Variants in TEX30 observed in about 807,000 individuals in gnomAD.
TEX30 encodes testis expressed 30, also known as testis-expressed protein 30.
In TEX30, 14 loss-of-function variants were observed where a neutral mutation model predicts 23.8. That is an observed-to-expected ratio of 0.59 (90% CI 0.39 to 0.92). The LOEUF (loss-of-function observed/expected upper bound fraction) is 0.92. Ranked by LOEUF, TEX30 falls within the 40% of genes least tolerant of loss-of-function variation. The pLI is 0.00. For missense variants in TEX30, 246 were observed against 270.6 expected (o/e 0.91, Z 0.64); for synonymous variants, 78 against 90.2 (o/e 0.87, Z 0.76).
rs935109093 is a variant in TEX30 at position 102,765,937 on chromosome 13, A to G, written c.*464T>C. The G allele has an allele frequency of 6.6e-6, 1 of 152,278 alleles. No homozygotes were observed. The highest frequency in any genetic ancestry group is 1.5e-5 in the Non-Finnish European group (1 of 68,096). The allele number at this position is 152,278 out of a possible 1,614,324, so 9.4% of individuals were successfully genotyped here. The stretch of plus-strand genomic sequence containing the variant: ...TCTAAAAAATCTTCAGGGTCCCCAT[A>G]TTTGAAACATATGTCCACTCCTATC... On this transcript the variant is annotated 3_prime_UTR_variant, in exon 6 of 6. Transcript: ENST00000376032.
At chr13:102,766,722 G>T in intron 5 of TEX30, 142 bp from the exon 6 acceptor site, 1 of 698,074 alleles carries the variant, frequency 1.4e-6, no homozygotes. Context: ...AATAGAATGT[G>T]TGAGGAAATG....
Position 102,767,476 on chromosome 13 carries a change from G to A in TEX30, c.301C>T (p.Arg101Cys), listed in dbSNP as rs750616260. ...YKLAGVFLGG[R>C]SMGSRAAASV... ...GCAGCTGCTCTTGAGCCCATTGAAC[G>A]ACCTAAAATCAATTAAAATTAAGTT... The change falls in exon 5 of 6, where the codon CGT becomes TGT. Residue 101 changes from arginine (R) to cysteine (C), a missense_variant and splice_region_variant. Physicochemically the swap from Arg to Cys is radical, Grantham distance 180 (BLOSUM62 -3). Coordinates refer to ENST00000376032, the MANE Select transcript of TEX30 (RefSeq NM_138779.5). 1.9e-6 allele frequency: 3 copies of A among 1,613,606 alleles called. No homozygotes were observed. The highest frequency in any genetic ancestry group is 1.3e-5 in the African/African-American group (1 of 74,982).
chr13:102,772,885 C>T (rs1354397154), intron 1 of TEX30, among the ~76,000 whole-genome samples: 2 of 152,240 alleles, frequency 1.3e-5, no homozygotes, highest in African/African-American at 4.8e-5. Flanking sequence ...GGGTTTTCAT[C>T]TCTGGCTTCA....
At chr13:102,769,604 G>A in intron 2 of TEX30, 63 bp from the exon 3 acceptor site, 1 of 967,980 alleles carries the variant, frequency 1.0e-6, no homozygotes, top group Non-Finnish European at 1.6e-6. Context: ...CAACTGAACA[G>A]CTATATATAT....
At position 102,769,457 on chromosome 13, in the gene TEX30, G is replaced by A. The variant is rs779407814; in HGVS notation, c.100C>T (p.Leu34Phe). The A allele has an allele frequency of 5.0e-6, 8 of 1,611,696 alleles. No individual in the cohort carries two copies. The highest frequency in any genetic ancestry group is 4.0e-5 in the African/African-American group (3 of 74,814). Reference protein sequence around the residue: ...PNKSLTYGIILTHGASGDMNL... With the variant: ...PNKSLTYGIIFTHGASGDMNL... ...ATATCTCCTGATGCTCCATGTGTAA[G>A]AATTATTCCATATGTTAAGCTCTTG... The change falls in exon 3 of 6, where the codon CTT becomes TTT. Residue 34 changes from leucine to phenylalanine, a missense_variant. Transcript: ENST00000376032.
At chr13:102,773,104 G>A (rs1877443634) in intron 1 of TEX30, among the ~76,000 whole-genome samples, 1 of 152,252 alleles carries the variant, frequency 6.6e-6, no homozygotes, top group Admixed American at 6.5e-5. Context: ...CCACGGGACG[G>A]AGACGCCACA....
chr13:102,768,293 C>A lies in TEX30; in HGVS notation c.265G>T (p.Gly89Ter). The A allele has an allele frequency of 6.2e-7, 1 of 1,602,856 alleles. No homozygotes were observed. Among genetic ancestry groups the A allele is most frequent in the South Asian group, 1.1e-5 (1 of 88,720 alleles). The change falls in exon 4 of 6, where the codon GGA (glycine) becomes TGA (stop). Residue 89 changes from glycine to a stop codon, truncating the protein, a stop_gained. Coordinates refer to ENST00000376032, the MANE Select transcript of TEX30 (RefSeq NM_138779.5). LOFTEE classifies it high-confidence loss of function. Reference sequence around the variant, plus strand: ...AAAACACCTGCAAGTTTGTATTCTCCTGATGTCTTCAGGTAATTCTAGAAA... The same window carrying A: ...AAAACACCTGCAAGTTTGTATTCTCATGATGTCTTCAGGTAATTCTAGAAA... ...KSVLNYLKTS[G>*]EYKLAGVFLG...
At chr13:102,771,347 A>G (rs1418446191) in intron 1 of TEX30, among the ~76,000 whole-genome samples, 1 of 152,348 alleles carries the variant, frequency 6.6e-6, no homozygotes. Context: ...TAATTTACAG[A>G]ATATGTTTTT....
intron 1 of TEX30, among the ~76,000 whole-genome samples, chr13:102,772,795 G>A (rs1416863466): frequency 6.6e-6 from 1 of 152,226 alleles, no homozygotes; most frequent in Non-Finnish European, 1.5e-5. Flanking sequence ...TTGAACTCCT[G>A]ACCTCAGGTG....
chr13:102,768,176 T>C, intron 4 of TEX30, 84 bp downstream of exon 4: 1 of 1,189,116 alleles, frequency 8.4e-7, no homozygotes, highest in Non-Finnish European at 1.2e-6. Context: ...ATTAGCTTCC[T>C]ATGATCAACT....
chr13:102,766,485 C>T lies in TEX30; in HGVS notation c.600G>A (p.Ser200=), dbSNP rs759421793. The change falls in exon 6 of 6, where the codon TCG becomes TCA. Residue 200 remains serine, a synonymous_variant. Coordinates refer to ENST00000376032, the MANE Select transcript of TEX30 (RefSeq NM_138779.5). The part of the protein sequence containing the change: ...ANHSMAVKGR[S]TNDVFKEINT... The stretch of plus-strand genomic sequence containing the variant: ...TTATTTCTTTGAAAACATCATTTGT[C>T]GACCGTCCTTTCACTGCCATGGAAT... 1.6e-5 allele frequency: 26 copies of T among 1,613,838 alleles called. No homozygotes were observed. Among genetic ancestry groups the T allele is most frequent in the Non-Finnish European group, 1.9e-5 (22 of 1,179,944 alleles).
At chr13:102,768,517 A>G (rs114385823) in intron 3 of TEX30, among the ~76,000 whole-genome samples, 132 of 152,344 alleles carry the variant, frequency 8.7e-4, no homozygotes, top group African/African-American at 3.1e-3. Flanking sequence ...TAGGTAATAC[A>G]GGCAAATATG....
At chr13:102,768,208 A>T (rs373848992) in intron 4 of TEX30, 52 bp downstream of exon 4, 23 of 1,379,556 alleles carry the variant, frequency 1.7e-5, no homozygotes, top group South Asian at 2.5e-5. Context: ...TCCATTACCT[A>T]TTCCTATATT....
At chr13:102,767,523 A>C in intron 4 of TEX30, 45 bp from the exon 5 acceptor site, 1 of 1,588,428 alleles carries the variant, frequency 6.3e-7, no homozygotes, top group Non-Finnish European at 8.6e-7. Flanking sequence ...ATAAACTTTC[A>C]CATAAAGTAG....
rs1372863315 is a variant in TEX30, at chr13:102,766,219, T to C, written c.*182A>G. 2.1e-6 allele frequency: 1 copy of C among 479,860 alleles called. No individual in the cohort carries two copies. The highest frequency in any genetic ancestry group is 3.9e-5 in the Admixed American group (1 of 25,768). The allele number at this position is 479,860 out of a possible 1,614,324, so 29.7% of individuals were successfully genotyped here. A position where few individuals can be genotyped will look rare whatever the true frequency, so the allele number is the denominator to read the frequency against. ...TATTTTTACATCATCTTTATACAACTGTAACAGTGCTTTCAAAAGACATTT... is the reference window on the plus strand; with the variant it reads ...TATTTTTACATCATCTTTATACAACCGTAACAGTGCTTTCAAAAGACATTT... On this transcript the variant is annotated 3_prime_UTR_variant, in exon 6 of 6. Transcript: ENST00000376032.
chr13:102,768,275 C>G lies in TEX30; in HGVS notation c.283G>C (p.Gly95Arg), dbSNP rs1260559320. 15 of 1,605,448 alleles carry G rather than the reference C, an allele frequency of 9.3e-6. No individual in the cohort carries two copies. The highest frequency in any genetic ancestry group is 1.2e-5 in the Non-Finnish European group (14 of 1,176,766). ...TTGCACTTACCTCCAAGAAAAACACCTGCAAGTTTGTATTCTCCTGATGTC... is the reference window on the plus strand; with the variant it reads ...TTGCACTTACCTCCAAGAAAAACACGTGCAAGTTTGTATTCTCCTGATGTC... ...LKTSGEYKLA[G>R]VFLGGRSMGS... is the part of the protein sequence containing the mutation. Residue 95 changes from glycine to arginine, a missense_variant, in exon 4 of 6, where the codon GGT (glycine) becomes CGT (arginine). Gly to Arg is a moderately radical substitution (Grantham distance 125). Transcript: ENST00000376032.
intron 3 of TEX30, among the ~76,000 whole-genome samples, chr13:102,768,794 A>T (rs1025165091): frequency 1.3e-5 from 2 of 151,358 alleles, no homozygotes; most frequent in African/African-American, 2.4e-5. Flanking sequence ...TGATAAGCTT[A>T]AAAAAAAATT....
At position 102,767,420 on chromosome 13, in the gene TEX30, A is replaced by G. The variant is rs1197562346; in HGVS notation, c.357T>C (p.Asp119=). The change falls in exon 5 of 6, where the codon GAT becomes GAC. Residue 119 remains aspartate (D), a synonymous_variant. Transcript: ENST00000376032. The part of the protein sequence containing the change: ...ASVMCHIEPD[D]GDDFVRGLIC... Reference sequence around the variant, plus strand: ...TGAGACCCCGAACAAAATCATCACCATCATCTGGCTCAATGTGACACATTA... The same window carrying G: ...TGAGACCCCGAACAAAATCATCACCGTCATCTGGCTCAATGTGACACATTA... 1.9e-6 allele frequency: 3 copies of G among 1,614,160 alleles called. No individual in the cohort carries two copies. The highest frequency in any genetic ancestry group is 1.1e-5 in the South Asian group (1 of 91,084).
intron 3 of TEX30, among the ~76,000 whole-genome samples, 174 bp from the exon 4 acceptor site, chr13:102,768,485 C>G (rs1171734921): frequency 6.6e-6 from 1 of 152,098 alleles, no homozygotes; most frequent in Non-Finnish European, 1.5e-5. Flanking sequence ...TCTGGTCATG[C>G]CTTCACTATT....
Sources: gnomAD v4.1 joint callset for allele counts (sites outside exome capture counted in the v4.1 genomes callset) on GRCh38, gnomAD v4.1.1 for gene constraint, MANE v1.5 for transcripts, NCBI Gene and HGNC (gene_info 2026-07-23, HGNC 2026-07-21) for gene names.